CDK5RAP2: variants seen among roughly 807,000 people sequenced by gnomAD.
The protein encoded by CDK5RAP2 is CDK5 regulatory subunit-associated protein 2.
CDK5RAP2 carries 147 observed loss-of-function variants against 232.9 expected under a neutral mutation model. That is an observed-to-expected ratio of 0.63 (90% confidence interval 0.55 to 0.72). CDK5RAP2 has a LOEUF of 0.72. Among genes scored for constraint, CDK5RAP2 ranks in the 30% least tolerant of loss-of-function variants. The pLI is 0.00. For synonymous variants in CDK5RAP2, 833 were observed against 833.7 expected (o/e 1.00, Z 0.01); for missense variants, 2,195 against 2,231.5 (o/e 0.98, Z 0.33).
chr9:120,420,644 C>T (rs1408105044), intron 26 of CDK5RAP2, among the ~76,000 whole-genome samples: 2 of 152,104 alleles, frequency 1.3e-5, no homozygotes, highest in Non-Finnish European at 2.9e-5. Flanking sequence ...TAGAGATAAA[C>T]TCCTTAATTG....
chr9:120,512,373 T>C (rs2040135364), intron 12 of CDK5RAP2, among the ~76,000 whole-genome samples: 1 of 152,152 alleles, frequency 6.6e-6, no homozygotes, highest in Admixed American at 6.5e-5. Flanking sequence ...ATTAAAATAC[T>C]CACTCTACTT....
At chr9:120,489,090 C>G (rs919412253) in intron 13 of CDK5RAP2, among the ~76,000 whole-genome samples, 6 of 152,262 alleles carry the variant, frequency 3.9e-5, no homozygotes, top group South Asian at 2.1e-4. Context: ...ATTCTGCCCT[C>G]ACACTTGCTG....
chr9:120,577,646 G>C (rs928087966), intron 1 of CDK5RAP2, among the ~76,000 whole-genome samples: 1 of 152,242 alleles, frequency 6.6e-6, no homozygotes, highest in Non-Finnish European at 1.5e-5. Context: ...CTGTTGAGTA[G>C]TTACTCTGGG....
chr9:120,445,485 A>G (rs1046693677), intron 22 of CDK5RAP2, among the ~76,000 whole-genome samples: 7 of 151,936 alleles, frequency 4.6e-5, no homozygotes, highest in African/African-American at 1.7e-4. Context: ...TCTCTCCTCC[A>G]TTCTCTCTCT....
chr9:120,531,752 G>C (rs1192021108), intron 7 of CDK5RAP2, among the ~76,000 whole-genome samples: 1 of 152,186 alleles, frequency 6.6e-6, no homozygotes. Flanking sequence ...CTGCCCTAGT[G>C]AAGCACAGCT....
rs1287449021 is a variant in CDK5RAP2 at position 120,527,438 on chromosome 9, G to A, written c.999+368C>T. Among the ~76,000 whole-genome samples the A allele has an allele frequency of 1.3e-5, 2 of 150,966 alleles. 1 individual carries two copies. Among genetic ancestry groups the A allele is most frequent in the Non-Finnish European group, 3.0e-5 (2 of 67,714 alleles). The stretch of plus-strand genomic sequence containing the variant: ...CTGTAAACACATCTGAACTTCAAAT[G>A]CTTAGTTCTGAAAAAAAAAAGTGTT... On this transcript the variant is annotated intron_variant, in intron 10 of 37. Coordinates refer to ENST00000349780, the MANE Select transcript of CDK5RAP2 (RefSeq NM_018249.6).
intron 25 of CDK5RAP2, among the ~76,000 whole-genome samples, chr9:120,424,425 T>C (rs1015833360): frequency 3.3e-5 from 5 of 152,208 alleles, no homozygotes; most frequent in Non-Finnish European, 5.9e-5. Context: ...CAAACCTGAC[T>C]GAGTCAGAGT....
intron 18 of CDK5RAP2, 109 bp from the exon 19 acceptor site, chr9:120,460,776 C>G: frequency 1.3e-6 from 2 of 1,522,032 alleles, no homozygotes; most frequent in East Asian, 2.4e-5. Flanking sequence ...AAACAAAAAG[C>G]AAACAAAAAA....
intron 14 of CDK5RAP2, among the ~76,000 whole-genome samples, chr9:120,483,225 G>A (rs764396751): frequency 3.9e-5 from 6 of 152,214 alleles, no homozygotes; most frequent in East Asian, 3.8e-4. Context: ...CCCGCTCACC[G>A]CATTCCCCTG....
chr9:120,419,552 T>C (rs749455823), intron 27 of CDK5RAP2, among the ~76,000 whole-genome samples: 1 of 152,186 alleles, frequency 6.6e-6, no homozygotes. Flanking sequence ...GCAAGTCACA[T>C]ATTAAGTCGT....
chr9:120,521,800 C>T (rs2040677104), intron 11 of CDK5RAP2, among the ~76,000 whole-genome samples: 1 of 151,902 alleles, frequency 6.6e-6, no homozygotes, highest in Admixed American at 6.6e-5. Context: ...CGCCCACCAC[C>T]ACACCTGGCT....
At chr9:120,413,816 A>AGGAG (rs1222712591) in intron 28 of CDK5RAP2, among the ~76,000 whole-genome samples, 1 of 122,226 alleles carries the variant, frequency 8.2e-6, no homozygotes, top group African/African-American at 3.8e-5. Context: ...GCGAGGAGGG[A>AGGAG]GGAGGGAGGA....
intron 27 of CDK5RAP2, among the ~76,000 whole-genome samples, chr9:120,418,231 T>G (rs1330894787): frequency 6.6e-6 from 1 of 152,144 alleles, no homozygotes; most frequent in Middle Eastern, 3.2e-3. Context: ...TAAGAGGGCA[T>G]CATAAGCCCA....
chr9:120,453,976 C>A, intron 20 of CDK5RAP2, 103 bp from the exon 21 acceptor site: 1 of 1,168,802 alleles, frequency 8.6e-7, no homozygotes, highest in Non-Finnish European at 1.3e-6. Context: ...TGCCCAGATT[C>A]CATCAAAACT....
Position 120,422,716 on chromosome 9 carries a change from G to A in CDK5RAP2, c.3981C>T (p.Asn1327=), listed in dbSNP as rs532159979. 18 of 1,613,060 alleles carry A rather than the reference G, an allele frequency of 1.1e-5. No homozygotes were observed. The highest frequency in any genetic ancestry group is 1.1e-4 in the South Asian group (10 of 91,068). The change falls in exon 26 of 38, where the codon AAC becomes AAT. Residue 1327 remains asparagine (N), a synonymous_variant. Transcript: ENST00000349780. The part of the protein sequence containing the change: ...LNGKSVGVEM[N]TQNELMERIE... ...ACCTCTCCATCAGTTCATTCTGGGT[G>A]TTCATTTCCACTCCAACTGATTTTC...
At position 120,443,631 on chromosome 9, in the gene CDK5RAP2, C is replaced by G. The variant is rs540758551; in HGVS notation, c.3137G>C (p.Ser1046Thr). The change falls in exon 23 of 38, where the codon AGC becomes ACC. Residue 1046 changes from serine (S) to threonine (T), a missense_variant. Ser to Thr is a moderately conservative substitution (Grantham distance 58). Transcript: ENST00000349780. ...GGCTGAATTCTGACCAATCTCGTAG[C>G]TTCTTTGCTGATCACTGTCCATTTC... ...DKEMDSDQQR[S>T]YEIDSEICPP... 1.4e-5 allele frequency: 22 copies of G among 1,614,138 alleles called. No homozygotes were observed. In the South Asian group the frequency reaches 2.0e-4, roughly 14 times the overall value.
intron 14 of CDK5RAP2, among the ~76,000 whole-genome samples, chr9:120,483,942 C>T (rs976328884): frequency 3.9e-5 from 6 of 152,222 alleles, no homozygotes; most frequent in African/African-American, 1.4e-4. Context: ...AGCTATGTCA[C>T]AGCCCTGCAA....
intron 2 of CDK5RAP2, among the ~76,000 whole-genome samples, chr9:120,569,475 A>T (rs1361601377): frequency 6.8e-6 from 1 of 146,264 alleles, no homozygotes; most frequent in Non-Finnish European, 1.5e-5. Flanking sequence ...CTCAATGAGA[A>T]GGTGACATCT....
intron 14 of CDK5RAP2, among the ~76,000 whole-genome samples, chr9:120,484,655 C>T (rs2038497786): frequency 6.6e-6 from 1 of 152,054 alleles, no homozygotes; most frequent in Non-Finnish European, 1.5e-5. Flanking sequence ...ACCCAGGAGG[C>T]GGAGGTTGCA....
Sources: allele counts gnomAD v4.1 joint callset (sites outside exome capture counted in the v4.1 genomes callset), GRCh38; gene constraint gnomAD v4.1.1; transcripts MANE v1.5; gene names NCBI Gene and HGNC (gene_info 2026-07-23, HGNC 2026-07-21).